The following RSF1 variants were observed in gnomAD, a reference collection of about 807,000 sequenced individuals.
RSF1 encodes the protein remodeling and spacing factor 1, also known as HBV pX-associated protein 8.
RSF1 carries 13 observed loss-of-function variants against 145.2 expected under a neutral mutation model. That is an observed-to-expected ratio of 0.09 (90% CI 0.06 to 0.14). RSF1 has a LOEUF of 0.14. RSF1 is among the 10% of genes least tolerant of loss of function. The pLI is 1.00. For missense variants in RSF1, 1,517 were observed against 1,718.2 expected (o/e 0.88, Z 2.07); for synonymous variants, 577 against 592.6 (o/e 0.97, Z 0.38).
Position 77,713,308 on chromosome 11 carries a change from T to C in RSF1, c.734-10813A>G, listed in dbSNP as rs191241276. 5.9e-5 allele frequency among the ~76,000 whole-genome samples: 9 copies of C among 152,258 alleles called. No individual in the cohort carries two copies. In the East Asian group the frequency reaches 1.2e-3, roughly 20 times the overall value. On this transcript the variant is annotated intron_variant, in intron 5 of 15. Coordinates refer to ENST00000308488, the MANE Select transcript of RSF1 (RefSeq NM_016578.4). ...ATCTGCAGTCTATCTGAAAGTCACATTGGCTGGACATAAAGTCCCTGGCTG... is the reference window on the plus strand; with the variant it reads ...ATCTGCAGTCTATCTGAAAGTCACACTGGCTGGACATAAAGTCCCTGGCTG...
At chr11:77,850,817 C>CTT in the RSF1 span, 1 of 151,944 alleles carries the variant, frequency 6.6e-6, no homozygotes, top group African/African-American at 2.4e-5. Context: ...TACACTCACA[C>CTT]TTTGTCCCCC....
At chr11:77,846,213 C>A in the RSF1 span, among the ~76,000 whole-genome samples, 1 of 152,162 alleles carries the variant, frequency 6.6e-6, no homozygotes, top group Admixed American at 6.5e-5. Flanking sequence ...ACTGAGATTT[C>A]TTTACATTGC....
chr11:77,787,833 T>TAAAAAAAAAAAAAAA (rs57568918), intron 1 of RSF1, among the ~76,000 whole-genome samples: 96 of 129,434 alleles, frequency 7.4e-4, no homozygotes, highest in African/African-American at 2.7e-3. Flanking sequence ...TTCAGAACAG[T>TAAAAAAAAAAAAAAA]AAAAAAAAAA....
At chr11:77,691,308 C>G in intron 8 of RSF1, 70 bp from the exon 9 acceptor site, 1 of 1,330,716 alleles carries the variant, frequency 7.5e-7, no homozygotes, top group Non-Finnish European at 1.1e-6. Flanking sequence ...TACATGTTAA[C>G]TTCATGGGTA....
chr11:77,832,997 GTA>G, the RSF1 span, among the ~76,000 whole-genome samples: 140 of 76,198 alleles, frequency 1.8e-3, 18 homozygotes, highest in East Asian at 4.6e-3. Flanking sequence ...GTGTGTGTGT[GTA>G]TATATATATA....
chr11:77,714,175 T>C (rs1051395441), intron 5 of RSF1, among the ~76,000 whole-genome samples: 10 of 152,222 alleles, frequency 6.6e-5, no homozygotes, highest in Admixed American at 5.2e-4. Context: ...TTGGAGCCTA[T>C]GCCCAGCAGT....
intron 1 of RSF1, among the ~76,000 whole-genome samples, chr11:77,809,266 G>T (rs549057934): frequency 1.3e-5 from 2 of 152,262 alleles, no homozygotes; most frequent in South Asian, 4.2e-4. Flanking sequence ...CTTTATCATG[G>T]AGTCTGGCTC....
chr11:77,703,790 T>G (rs1960479116), intron 5 of RSF1, among the ~76,000 whole-genome samples: 1 of 146,300 alleles, frequency 6.8e-6, no homozygotes, highest in Non-Finnish European at 1.5e-5. Context: ...AAAAAAAATT[T>G]CAAAAATTCA....
chr11:77,795,068 G>C (rs1216463670), intron 1 of RSF1, among the ~76,000 whole-genome samples: 1 of 151,788 alleles, frequency 6.6e-6, no homozygotes, highest in Non-Finnish European at 1.5e-5. Context: ...GAGCGAAAAA[G>C]GAATCAAGAA....
rs1456903706 is a variant in RSF1 at position 77,667,062 on chromosome 11, G to A, written c.4181C>T (p.Pro1394Leu). The A allele has an allele frequency of 1.2e-6, 2 of 1,613,974 alleles. No individual in the cohort carries two copies. The highest frequency in any genetic ancestry group is 1.3e-5 in the African/African-American group (1 of 74,900). The stretch of plus-strand genomic sequence containing the variant: ...TGCACTGGCTGTGCTGTTGTCCTTG[G>A]GGGTCTGAGACTTCTCAGTAGGCTT... The part of the protein sequence containing the change: ...IGKPTEKSQT[P>L]KDNSTASASL... Residue 1394 changes from proline (P) to leucine (L), a missense_variant, in exon 16 of 16, where the codon CCC becomes CTC. This residue lies in a region of RSF1 where 240 missense variants were observed against 231.8 expected (regional missense o/e 1.04). Coordinates refer to ENST00000308488, the MANE Select transcript of RSF1 (RefSeq NM_016578.4).
intron 3 of RSF1, among the ~76,000 whole-genome samples, chr11:77,746,262 T>C (rs543887177): frequency 4.8e-4 from 73 of 152,210 alleles, no homozygotes; most frequent in African/African-American, 1.6e-3. Flanking sequence ...TGACATTTGG[T>C]TTTCTGAGAC....
the RSF1 span, among the ~76,000 whole-genome samples, chr11:77,827,358 A>G: frequency 1.3e-5 from 2 of 152,238 alleles, no homozygotes; most frequent in Admixed American, 1.3e-4. Flanking sequence ...CCAATACCTC[A>G]TGTGAATCTA....
chr11:77,725,063 CA>C (rs772881530), intron 5 of RSF1, among the ~76,000 whole-genome samples: 2 of 152,032 alleles, frequency 1.3e-5, no homozygotes, highest in South Asian at 2.1e-4. Flanking sequence ...TGAGAGATGC[CA>C]GGGGCTGAGG....
chr11:77,868,212 G>A, the RSF1 span, among the ~76,000 whole-genome samples: 1 of 143,546 alleles, frequency 7.0e-6, no homozygotes, highest in African/African-American at 2.6e-5. Flanking sequence ...CCCGCTACCT[G>A]GCCCGGCTAA....
chr11:77,819,255 T>C (rs1948812738), intron 1 of RSF1, among the ~76,000 whole-genome samples: 1 of 152,368 alleles, frequency 6.6e-6, no homozygotes, highest in East Asian at 1.9e-4. Flanking sequence ...GAGACCTATT[T>C]GGAAAACGTT....
intron 5 of RSF1, among the ~76,000 whole-genome samples, chr11:77,705,848 G>A (rs1054722318): frequency 6.6e-6 from 1 of 151,260 alleles, no homozygotes; most frequent in Non-Finnish European, 1.5e-5. Flanking sequence ...GCAAGACCCT[G>A]TCTCAAAAAA....
the RSF1 span, chr11:77,855,317 GT>G: frequency 2.0e-5 from 3 of 151,898 alleles, no homozygotes; most frequent in East Asian, 1.9e-4. Context: ...AAAAAGTTTT[GT>G]TTTTTTCTTT....
chr11:77,808,531 T>TAAAAATAATGTTCATGCTAATAAAA (rs1555002207), intron 1 of RSF1, among the ~76,000 whole-genome samples: 1 of 80,732 alleles, frequency 1.2e-5, no homozygotes, highest in African/African-American at 6.4e-5. Context: ...TTATACCTTT[T>TAAAAATAATGTTCATGCTAATAAAA]TTTTTTTTTT....
chr11:77,773,410 T>C (rs868802200), intron 1 of RSF1, among the ~76,000 whole-genome samples: 39 of 152,144 alleles, frequency 2.6e-4, no homozygotes, highest in African/African-American at 8.2e-4. Flanking sequence ...CCAAACTGAT[T>C]TCGGAAAATT....
Sources: gnomAD v4.1 joint callset for allele counts (sites outside exome capture counted in the v4.1 genomes callset) on GRCh38, gnomAD v4.1.1 for gene constraint, gnomAD v4.1.1 regional missense constraint, MANE v1.5 for transcripts, NCBI Gene and HGNC (gene_info 2026-07-23, HGNC 2026-07-21) for gene names.